Variants in POLK observed in about 807,000 individuals in gnomAD.
The protein encoded by POLK is DNA polymerase kappa, also known as polymerase (DNA directed) kappa.
Under a neutral mutation model 94.0 loss-of-function variants are expected in POLK, and 76 were observed. The ratio of observed to expected loss-of-function variants is 0.81; its 90% CI spans 0.67 to 0.98. POLK has a LOEUF of 0.98. Ranked by LOEUF, POLK falls within the 50% of genes least tolerant of loss-of-function variation. The probability of loss-of-function intolerance (pLI) is 0.00; values close to 1 mark genes in which losing one functional copy is unlikely to be tolerated. For missense variants in POLK, 954 were observed against 1,010.1 expected (o/e 0.94, Z 0.75); for synonymous variants, 349 against 325.4 (o/e 1.07, Z -0.78).
chr5:75,519,339 G>C (rs1480935073), intron 1 of POLK, among the ~76,000 whole-genome samples: 1 of 152,132 alleles, frequency 6.6e-6, no homozygotes, highest in East Asian at 1.9e-4. Context: ...TTCATATGCT[G>C]ATGAAAAGAT....
intron 11 of POLK, 69 bp downstream of exon 11, chr5:75,590,509 A>G (rs771985971): frequency 4.7e-6 from 4 of 844,196 alleles, no homozygotes; most frequent in Non-Finnish European, 6.1e-6. Flanking sequence ...CTTAAAAGCT[A>G]GAGTTAGATT....
chr5:75,550,221 T>G (rs968020418), intron 2 of POLK, among the ~76,000 whole-genome samples: 2 of 152,286 alleles, frequency 1.3e-5, no homozygotes, highest in Non-Finnish European at 2.9e-5. Context: ...AGGACTGATT[T>G]AAACAATATA....
At chr5:75,544,797 C>T (rs11958431) in intron 1 of POLK, among the ~76,000 whole-genome samples, 70 of 152,154 alleles carry the variant, frequency 4.6e-4, no homozygotes, top group African/African-American at 1.6e-3. Context: ...ATTACATTCA[C>T]CTGCTTTACT....
chr5:75,546,204 A>G (rs927169257), intron 1 of POLK, among the ~76,000 whole-genome samples: 1 of 152,240 alleles, frequency 6.6e-6, no homozygotes, highest in African/African-American at 2.4e-5. Context: ...TTTGTATGTT[A>G]TATTTGTTCT....
intron 7 of POLK, chr5:75,581,732 G>A: frequency 1.4e-5 from 4 of 277,106 alleles, no homozygotes; most frequent in South Asian, 4.2e-5. Flanking sequence ...TTGGAGTGCA[G>A]TGGGGCGATC....
At chr5:75,521,964 TACCTAG>T (rs1768609448) in intron 1 of POLK, among the ~76,000 whole-genome samples, 1 of 152,236 alleles carries the variant, frequency 6.6e-6, no homozygotes, top group South Asian at 2.1e-4. Flanking sequence ...ACGTACCTCC[TACCTAG>T]TGGTCCTGCC....
At chr5:75,515,622 T>C (rs1226713974) in intron 1 of POLK, among the ~76,000 whole-genome samples, 2 of 152,292 alleles carry the variant, frequency 1.3e-5, no homozygotes, top group South Asian at 4.2e-4. Context: ...GATATATACG[T>C]AGTAGTAGAA....
At chr5:75,522,694 G>A (rs1768645433) in intron 1 of POLK, among the ~76,000 whole-genome samples, 1 of 151,786 alleles carries the variant, frequency 6.6e-6, no homozygotes, top group Non-Finnish European at 1.5e-5. Flanking sequence ...TATCTCCTAA[G>A]AAATAATTCA....
chr5:75,597,493 G>A, intron 13 of POLK: 2 of 403,014 alleles, frequency 5.0e-6, no homozygotes, highest in Non-Finnish European at 8.7e-6. Flanking sequence ...AACTATAACT[G>A]CATAACTAGA....
intron 1 of POLK, among the ~76,000 whole-genome samples, chr5:75,530,228 T>A (rs1769085582): frequency 6.7e-6 from 1 of 150,222 alleles, no homozygotes; most frequent in Non-Finnish European, 1.5e-5. Flanking sequence ...TTCAAAAAGC[T>A]GAATCTATTT....
chr5:75,588,083 A>G (rs187502238), intron 10 of POLK, among the ~76,000 whole-genome samples: 84 of 152,256 alleles, frequency 5.5e-4, no homozygotes, highest in Non-Finnish European at 1.0e-3. Context: ...TATGAAAGCA[A>G]TCAAAGAGAG....
chr5:75,595,005 C>G (rs570471512), intron 12 of POLK, among the ~76,000 whole-genome samples: 85 of 152,244 alleles, frequency 5.6e-4, no homozygotes, highest in Non-Finnish European at 1.1e-3. Flanking sequence ...AATCTCAACA[C>G]TTTGGGAGGC....
chr5:75,590,750 G>A (rs1772740850), intron 11 of POLK, among the ~76,000 whole-genome samples: 1 of 152,160 alleles, frequency 6.6e-6, no homozygotes, highest in Non-Finnish European at 1.5e-5. Context: ...ACTGGCATTA[G>A]AGAATAAGGC....
chr5:75,608,144 T>C, the POLK span, among the ~76,000 whole-genome samples: 681 of 152,296 alleles, frequency 4.5e-3, 7 homozygotes, highest in African/African-American at 0.016. Context: ...CAAATACTTA[T>C]TGCAGGTCGG....
intron 1 of POLK, among the ~76,000 whole-genome samples, chr5:75,540,235 T>G (rs1769669230): frequency 6.6e-6 from 1 of 152,070 alleles, no homozygotes; most frequent in South Asian, 2.1e-4. Context: ...GTATCTCAAT[T>G]TCTTATTTGT....
At chr5:75,522,842 G>T (rs1027516475) in intron 1 of POLK, among the ~76,000 whole-genome samples, 2 of 151,600 alleles carry the variant, frequency 1.3e-5, no homozygotes, top group East Asian at 3.9e-4. Context: ...TTGTAGGATA[G>T]AATCAGTTTT....
chr5:75,584,335 A>G (rs1772349374), intron 8 of POLK, among the ~76,000 whole-genome samples: 1 of 152,160 alleles, frequency 6.6e-6, no homozygotes, highest in Non-Finnish European at 1.5e-5. Flanking sequence ...ATGTGGTCAA[A>G]AAGTAATTAA....
chr5:75,533,025 G>T (rs59506842), intron 1 of POLK, among the ~76,000 whole-genome samples: 1 of 151,852 alleles, frequency 6.6e-6, no homozygotes, highest in African/African-American at 2.4e-5. Context: ...ATTTTCTCCC[G>T]TTCTGTAGGT....
chr5:75,597,070 C>T, exon 13 of POLK: 1 of 1,612,892 alleles, frequency 6.2e-7, no homozygotes, highest in South Asian at 1.1e-5. Flanking sequence ...AGATCTAACC[C>T]TGTTCAATGT....
Sources: gnomAD v4.1 joint callset for allele counts (sites outside exome capture counted in the v4.1 genomes callset) on GRCh38, gnomAD v4.1.1 for gene constraint, MANE v1.5 for transcripts, NCBI Gene and HGNC (gene_info 2026-07-23, HGNC 2026-07-21) for gene names.